PTPRD: variants seen among roughly 807,000 people sequenced by gnomAD.
PTPRD encodes protein tyrosine phosphatase receptor type D.
In PTPRD, 34 loss-of-function variants were observed where a neutral mutation model predicts 214.5. That is an observed-to-expected ratio of 0.16 (90% CI 0.12 to 0.21). The LOEUF is 0.21. Among genes scored for constraint, PTPRD ranks in the 10% least tolerant of loss-of-function variants. PTPRD has a pLI of 1.00. For synonymous variants in PTPRD, 1,128 were observed against 845.7 expected (o/e 1.33, Z -5.79); for missense variants, 2,545 against 2,398.7 (o/e 1.06, Z -1.27).
chr9:10,131,626 T>C (rs1158782354), intron 3 of PTPRD, among the ~76,000 whole-genome samples: 1 of 152,174 alleles, frequency 6.6e-6, no homozygotes, highest in African/African-American at 2.4e-5. Context: ...TAATTATATA[T>C]GAAGGAAGAT....
intron 4 of PTPRD, among the ~76,000 whole-genome samples, chr9:10,003,550 G>C (rs1326205003): frequency 6.6e-6 from 1 of 151,580 alleles, no homozygotes; most frequent in Non-Finnish European, 1.5e-5. Context: ...AGAAGAGAAA[G>C]TGCTATTATT....
At chr9:8,323,575 T>G (rs953812451) in intron 44 of PTPRD, among the ~76,000 whole-genome samples, 2 of 151,728 alleles carry the variant, frequency 1.3e-5, no homozygotes, top group Non-Finnish European at 2.9e-5. Flanking sequence ...GTTCAAGACT[T>G]CAGTAGAGGA....
intron 5 of PTPRD, among the ~76,000 whole-genome samples, chr9:9,931,966 C>G (rs1044457239): frequency 1.4e-4 from 21 of 151,784 alleles, no homozygotes; most frequent in African/African-American, 3.4e-4. Context: ...AGCAGGGGCA[C>G]ACTGACACCT....
intron 7 of PTPRD, among the ~76,000 whole-genome samples, chr9:9,578,528 A>G (rs1455659726): frequency 6.6e-6 from 1 of 152,110 alleles, no homozygotes; most frequent in Non-Finnish European, 1.5e-5. Flanking sequence ...AAACCTAAAA[A>G]TTGGAAAATC....
chr9:9,471,110 G>T (rs896924857), intron 8 of PTPRD, among the ~76,000 whole-genome samples: 3 of 152,136 alleles, frequency 2.0e-5, no homozygotes, highest in African/African-American at 7.2e-5. Context: ...TTGTTCTTCA[G>T]TGTCTCTGCA....
chr9:8,563,694 C>G (rs1170641687), intron 14 of PTPRD, among the ~76,000 whole-genome samples: 2 of 152,094 alleles, frequency 1.3e-5, no homozygotes, highest in Non-Finnish European at 2.9e-5. Context: ...CTTGGCCTCC[C>G]TCTGTCACCC....
intron 2 of PTPRD, among the ~76,000 whole-genome samples, chr9:10,491,731 T>C (rs904048540): frequency 2.0e-5 from 3 of 152,042 alleles, no homozygotes; most frequent in African/African-American, 7.2e-5. Flanking sequence ...TTTTTTATTA[T>C]ACTTTAAGTT....
At chr9:8,327,879 C>G (rs1835566485) in intron 44 of PTPRD, among the ~76,000 whole-genome samples, 1 of 152,178 alleles carries the variant, frequency 6.6e-6, no homozygotes, top group Non-Finnish European at 1.5e-5. Flanking sequence ...AAATATTCCT[C>G]CATCCCTTTA....
At chr9:9,364,441 G>A (rs1178093294) in intron 9 of PTPRD, among the ~76,000 whole-genome samples, 1 of 151,398 alleles carries the variant, frequency 6.6e-6, no homozygotes, top group Non-Finnish European at 1.5e-5. Context: ...ATGGACAGTT[G>A]CAATTTTAAA....
chr9:9,766,590 A>T (rs1367805771), intron 6 of PTPRD, among the ~76,000 whole-genome samples: 3 of 152,134 alleles, frequency 2.0e-5, no homozygotes, highest in Non-Finnish European at 4.4e-5. Context: ...CTTTTAATAT[A>T]GATTTTATGG....
intron 4 of PTPRD, among the ~76,000 whole-genome samples, chr9:9,939,940 C>A (rs1049001975): frequency 6.6e-6 from 1 of 152,128 alleles, no homozygotes; most frequent in African/African-American, 2.4e-5. Flanking sequence ...TCTGCTACTG[C>A]CACAATAAAC....
chr9:8,646,224 T>C (rs1190871855), intron 12 of PTPRD, among the ~76,000 whole-genome samples: 1 of 152,214 alleles, frequency 6.6e-6, no homozygotes, highest in East Asian at 1.9e-4. Context: ...GCTTCCCATC[T>C]GGTCACTCTC....
intron 4 of PTPRD, among the ~76,000 whole-genome samples, chr9:10,003,402 T>C (rs1265416570): frequency 6.6e-6 from 1 of 151,740 alleles, no homozygotes; most frequent in East Asian, 1.9e-4. Flanking sequence ...AGAAGATAAT[T>C]TGAAGTTGGG....
rs528572868 is a variant in PTPRD, at chr9:9,633,280, A to G, written c.-286-58499T>C. On this transcript the variant is annotated intron_variant, in intron 7 of 45. Transcript: ENST00000381196. ...ACTGCATTCCACACTCCAGCCTGGG[A>G]GAGAGAGTGAGACTCCATCTCAGGG... Among the ~76,000 whole-genome samples the G allele has an allele frequency of 2.7e-3, 403 of 151,876 alleles. 1 individual carries two copies. Among genetic ancestry groups the G allele is most frequent in the Non-Finnish European group, 4.1e-3 (281 of 67,914 alleles).
intron 11 of PTPRD, among the ~76,000 whole-genome samples, chr9:8,912,364 A>G (rs1016182291): frequency 1.3e-5 from 2 of 152,190 alleles, no homozygotes; most frequent in Admixed American, 1.3e-4. Context: ...ACATGGATGA[A>G]CTTCAGAAAC....
In PTPRD at chr9:9,970,435, A is replaced by T. The variant is rs1420524296; in HGVS notation, c.-471-31825T>A. 1.2e-3 allele frequency among the ~76,000 whole-genome samples: 171 copies of T among 136,998 alleles called. 4 individuals are homozygous for T. The South Asian group carries it at 0.029, about 23-fold the overall frequency. 89.9% of individuals were successfully genotyped at this position (136,998 alleles called of 152,430 possible). A position where few individuals can be genotyped will look rare whatever the true frequency, so the allele number is the denominator to read the frequency against. ...CGACAGCGAGACTCCTTCTCAAAAA[A>T]AAAAAAAAGAAAAAGAAAAAGAAAA... On this transcript the variant is annotated intron_variant, in intron 4 of 45. Coordinates refer to ENST00000381196, the MANE Select transcript of PTPRD (RefSeq NM_002839.4).
chr9:8,848,504 ATTTTTTTT>A (rs34149878), intron 11 of PTPRD, among the ~76,000 whole-genome samples: 44 of 125,038 alleles, frequency 3.5e-4, no homozygotes, highest in Non-Finnish European at 6.7e-5. Flanking sequence ...TCTGGCAAAT[ATTTTTTTT>A]TTTTTTTTTT....
chr9:9,636,992 G>GA (rs2095793570), intron 7 of PTPRD, among the ~76,000 whole-genome samples: 1 of 151,886 alleles, frequency 6.6e-6, no homozygotes, highest in Admixed American at 6.6e-5. Flanking sequence ...AAGCAGAAGT[G>GA]AAAAAATAAT....
intron 30 of PTPRD, among the ~76,000 whole-genome samples, chr9:8,476,101 C>T (rs903858710): frequency 6.6e-6 from 1 of 152,152 alleles, no homozygotes; most frequent in African/African-American, 2.4e-5. Context: ...TTGCATTTAC[C>T]CTAGTCCAGT....
Sources: gnomAD v4.1 joint callset for allele counts (sites outside exome capture counted in the v4.1 genomes callset) on GRCh38, gnomAD v4.1.1 for gene constraint, MANE v1.5 for transcripts, NCBI Gene and HGNC (gene_info 2026-07-23, HGNC 2026-07-21) for gene names.